Variants in ATAD2B observed in about 807,000 individuals in gnomAD.
ATAD2B encodes the protein ATPase family AAA domain containing 2B, also known as ATPase family AAA domain-containing protein 2B.
Under a neutral mutation model 167.6 loss-of-function variants are expected in ATAD2B, and 40 were observed. That is an observed-to-expected ratio of 0.24 (90% CI 0.19 to 0.31). The LOEUF is 0.31. Ranked by LOEUF, ATAD2B falls within the 10% of genes least tolerant of loss-of-function variation. ATAD2B has a pLI of 1.00. For synonymous variants in ATAD2B, 579 were observed against 596.5 expected (o/e 0.97, Z 0.43); for missense variants, 1,242 against 1,757.2 (o/e 0.71, Z 5.24).
intron 20 of ATAD2B, among the ~76,000 whole-genome samples, chr2:23,787,611 G>A (rs1207296411): frequency 6.6e-6 from 1 of 151,834 alleles, no homozygotes; most frequent in Non-Finnish European, 1.5e-5. Context: ...TTATTAAAAT[G>A]TTACATAATA....
chr2:23,926,538 G>A lies in ATAD2B; in HGVS notation c.216+17C>T, dbSNP rs750684521. ...CGGCACTTCCGAGCCTCCGGACTCGGGACGCCGCGCTCTTACCCTGGCCTC... is the reference window on the plus strand; with the variant it reads ...CGGCACTTCCGAGCCTCCGGACTCGAGACGCCGCGCTCTTACCCTGGCCTC... On this transcript the variant is annotated intron_variant, in intron 1 of 27. Transcript: ENST00000238789. 6.5e-6 allele frequency: 10 copies of A among 1,538,648 alleles called. No homozygotes were observed. Among genetic ancestry groups the A allele is most frequent in the Admixed American group, 2.0e-5 (1 of 50,570 alleles).
chr2:23,775,339 A>T (rs1050247419), intron 22 of ATAD2B, among the ~76,000 whole-genome samples: 2 of 150,718 alleles, frequency 1.3e-5, no homozygotes, highest in African/African-American at 4.9e-5. Context: ...TCAGCCTCCC[A>T]AGTAGCTGGG....
chr2:23,785,356 A>C (rs1209120281), intron 21 of ATAD2B, among the ~76,000 whole-genome samples: 4 of 152,120 alleles, frequency 2.6e-5, no homozygotes, highest in Admixed American at 2.0e-4. Context: ...CACACACTAC[A>C]TTATCCCAGG....
chr2:23,903,004 G>T (rs1701012407), intron 1 of ATAD2B, among the ~76,000 whole-genome samples: 1 of 152,166 alleles, frequency 6.6e-6, no homozygotes, highest in Non-Finnish European at 1.5e-5. Flanking sequence ...AGAGGTTGAG[G>T]TGGGCAGATT....
At chr2:23,740,941 T>G in the ATAD2B span, among the ~76,000 whole-genome samples, 1 of 152,124 alleles carries the variant, frequency 6.6e-6, no homozygotes, top group African/African-American at 2.4e-5. Context: ...ATGAGTGAAC[T>G]CCCATTCACA....
intron 18 of ATAD2B, among the ~76,000 whole-genome samples, chr2:23,808,206 A>ATATAT (rs1553398553): frequency 3.1e-5 from 4 of 129,962 alleles, no homozygotes; most frequent in African/African-American, 5.8e-5. Context: ...TTTATATAAA[A>ATATAT]ATATATATAT....
chr2:23,881,919 C>T (rs957048164), intron 6 of ATAD2B, among the ~76,000 whole-genome samples: 5 of 151,960 alleles, frequency 3.3e-5, no homozygotes, highest in East Asian at 2.0e-4. Context: ...GACGGGGTTT[C>T]ACCACATTGA....
intron 22 of ATAD2B, among the ~76,000 whole-genome samples, chr2:23,771,504 T>C (rs998063417): frequency 3.9e-5 from 6 of 152,308 alleles, no homozygotes; most frequent in South Asian, 2.1e-4. Flanking sequence ...GTAAAAAAAT[T>C]TGACTTACAA....
At chr2:23,813,479 T>C (rs1172864427) in intron 17 of ATAD2B, among the ~76,000 whole-genome samples, 3 of 151,614 alleles carry the variant, frequency 2.0e-5, no homozygotes, top group African/African-American at 7.3e-5. Flanking sequence ...CTCACACCTG[T>C]AATCCCAGCA....
At chr2:23,823,691 C>T in intron 15 of ATAD2B, 122 bp from the exon 16 acceptor site, 1 of 839,270 alleles carries the variant, frequency 1.2e-6, no homozygotes, top group Non-Finnish European at 1.7e-6. Context: ...TAACTATGTG[C>T]AATTTTACCA....
intron 1 of ATAD2B, among the ~76,000 whole-genome samples, chr2:23,906,080 T>C (rs1197109023): frequency 6.6e-6 from 1 of 152,176 alleles, no homozygotes; most frequent in African/African-American, 2.4e-5. Flanking sequence ...CTCACACCTG[T>C]AATCCCGATA....
chr2:23,904,301 A>C (rs973149951), intron 1 of ATAD2B, among the ~76,000 whole-genome samples: 1 of 152,170 alleles, frequency 6.6e-6, no homozygotes, highest in African/African-American at 2.4e-5. Context: ...AGAGGAGTTA[A>C]ACTGCTCCAA....
chr2:23,851,026 A>C (rs1205363643), intron 13 of ATAD2B, among the ~76,000 whole-genome samples: 1 of 152,232 alleles, frequency 6.6e-6, no homozygotes, highest in Non-Finnish European at 1.5e-5. Flanking sequence ...AGAAGTCATC[A>C]GAACCAGAAA....
the ATAD2B span, chr2:23,693,562 TG>T: frequency 4.6e-6 from 7 of 1,535,044 alleles, no homozygotes; most frequent in African/African-American, 9.6e-5. Flanking sequence ...CCCTTCTCTC[TG>T]GGTTTGGGGT....
chr2:23,747,250 A>G (rs1421031531), downstream of ATAD2B, among the ~76,000 whole-genome samples: 3 of 151,916 alleles, frequency 2.0e-5, no homozygotes, highest in Non-Finnish European at 4.4e-5. Context: ...CTTACTATGT[A>G]ATGCAGTACA....
chr2:23,823,408 C>G lies in ATAD2B; in HGVS notation c.1981G>C (p.Val661Leu). The change falls in exon 16 of 28, where the codon GTG becomes CTG. Residue 661 changes from valine to leucine, a missense_variant. Transcript: ENST00000238789. The stretch of plus-strand genomic sequence containing the variant: ...ATCACAGCACGTTGGGAAGCAGGCA[C>G]GATATTCTGCATTGCATGGTAAAAA... ...QDFYHAMQNI[V>L]PASQRAVMSS... The G allele has an allele frequency of 6.2e-7, 1 of 1,613,928 alleles. No individual in the cohort carries two copies. Among genetic ancestry groups the G allele is most frequent in the Non-Finnish European group, 8.5e-7 (1 of 1,179,884 alleles).
At chr2:23,886,090 AT>A (rs1432121293) in intron 4 of ATAD2B, among the ~76,000 whole-genome samples, 2 of 152,086 alleles carry the variant, frequency 1.3e-5, no homozygotes, top group African/African-American at 2.4e-5. Flanking sequence ...GACTACAGGC[AT>A]GCACTACCAT....
the ATAD2B span, among the ~76,000 whole-genome samples, chr2:23,729,399 G>A: frequency 6.6e-6 from 1 of 152,158 alleles, no homozygotes; most frequent in African/African-American, 2.4e-5. Flanking sequence ...GACTCGGCTT[G>A]TCTGAACTAG....
chr2:23,769,301 C>T (rs961617023), intron 22 of ATAD2B, among the ~76,000 whole-genome samples: 5 of 152,010 alleles, frequency 3.3e-5, no homozygotes, highest in African/African-American at 7.3e-5. Flanking sequence ...ATTAGCCGGG[C>T]GTGGAGGCAG....
Sources: allele counts gnomAD v4.1 joint callset (sites outside exome capture counted in the v4.1 genomes callset), GRCh38; gene constraint gnomAD v4.1.1; transcripts MANE v1.5; gene names NCBI Gene and HGNC (gene_info 2026-07-23, HGNC 2026-07-21).